COX16: variants seen among roughly 807,000 people sequenced by gnomAD.
The protein encoded by COX16 is cytochrome c oxidase assembly factor COX16.
Under a neutral mutation model 15.4 loss-of-function variants are expected in COX16, and 12 were observed. The ratio of observed to expected loss-of-function variants is 0.78; its 90% CI spans 0.50 to 1.26. The LOEUF is 1.26. COX16 is among the 50% of genes most tolerant of loss of function. The pLI is 0.00. For missense variants in COX16, 124 were observed against 127.6 expected (o/e 0.97, Z 0.14); for synonymous variants, 46 against 41.1 (o/e 1.12, Z -0.46).
chr14:70,335,625 A>C (rs145108651), intron 2 of COX16, among the ~76,000 whole-genome samples: 2 of 151,554 alleles, frequency 1.3e-5, no homozygotes, highest in African/African-American at 2.4e-5. Context: ...AAAAGGACCA[A>C]ATTTTTAAAA....
At chr14:70,331,396 G>C (rs764810451) in intron 2 of COX16, among the ~76,000 whole-genome samples, 9 of 151,792 alleles carry the variant, frequency 5.9e-5, no homozygotes, top group Non-Finnish European at 8.8e-5. Context: ...TGCATAAAAA[G>C]ACTCCTAAAA....
rs574534496 is a variant in COX16, at chr14:70,330,728, T to C, written c.142-1492A>G. ...ATCCTGAAGCAGACTTAAAAACTTA[T>C]ATGAACAGTTGATTTATGACAAATT... On this transcript the variant is annotated intron_variant, in intron 2 of 3. Coordinates refer to ENST00000389912, the MANE Select transcript of COX16 (RefSeq NM_016468.7). 5.3e-5 allele frequency among the ~76,000 whole-genome samples: 8 copies of C among 152,306 alleles called. No homozygotes were observed. The East Asian group carries it at 5.8e-4, about 11-fold the overall frequency.
chr14:70,337,311 C>A (rs1886485808), intron 2 of COX16, among the ~76,000 whole-genome samples: 1 of 151,910 alleles, frequency 6.6e-6, no homozygotes, highest in African/African-American at 2.4e-5. Context: ...TTGTTTTCCT[C>A]CAGGAAAGGC....
chr14:70,349,630 A>G (rs1305050971), intron 1 of COX16, among the ~76,000 whole-genome samples: 2 of 152,176 alleles, frequency 1.3e-5, no homozygotes, highest in Non-Finnish European at 2.9e-5. Flanking sequence ...CTGGCTCTAA[A>G]AACCCAGCAG....
At chr14:70,352,539 CAT>C (rs893819804) in intron 1 of COX16, among the ~76,000 whole-genome samples, 4 of 151,354 alleles carry the variant, frequency 2.6e-5, no homozygotes, top group Non-Finnish European at 4.4e-5. Flanking sequence ...TTTATAACTA[CAT>C]GTTATATAAT....
intron 1 of COX16, among the ~76,000 whole-genome samples, chr14:70,352,249 C>T (rs552035686): frequency 1.3e-4 from 20 of 152,262 alleles, no homozygotes; most frequent in Middle Eastern, 3.4e-3. Flanking sequence ...TGCAGAGGAG[C>T]GATCTCGGCT....
chr14:70,352,585 ATTAT>A (rs10570008), intron 1 of COX16, among the ~76,000 whole-genome samples: 70,156 of 148,858 alleles, frequency 0.47, 17,105 homozygotes, highest in South Asian at 0.55. Flanking sequence ...TATTACATAC[ATTAT>A]TTATGTGCAC....
chr14:70,352,907 A>C (rs1299864901), intron 1 of COX16, among the ~76,000 whole-genome samples: 1 of 152,128 alleles, frequency 6.6e-6, no homozygotes, highest in Non-Finnish European at 1.5e-5. Context: ...ATCTCATGAA[A>C]TTTACCACAC....
chr14:70,325,129 A>T lies in COX16; in HGVS notation c.*1204T>A, dbSNP rs149068726. The stretch of plus-strand genomic sequence containing the variant: ...AAACCAACCTGCTGAAAAGAATACA[A>T]ATTTTGACTAGGAGGAGAAAGGGGG... On this transcript the variant is annotated 3_prime_UTR_variant, in exon 4 of 4. Coordinates refer to ENST00000389912, the MANE Select transcript of COX16 (RefSeq NM_016468.7). The T allele has an allele frequency of 2.0e-5, 3 of 152,270 alleles. No homozygotes were observed. The highest frequency in any genetic ancestry group is 6.5e-5 in the Admixed American group (1 of 15,294). 9.4% of individuals were successfully genotyped at this position (152,270 alleles called of 1,614,324 possible).
intron 3 of COX16, among the ~76,000 whole-genome samples, chr14:70,327,921 A>G (rs1886134156): frequency 1.3e-5 from 2 of 152,070 alleles, no homozygotes; most frequent in African/African-American, 4.8e-5. Context: ...CAGCGTCAAG[A>G]AATGCTGAGA....
At chr14:70,337,855 A>G (rs1358409956) in intron 2 of COX16, among the ~76,000 whole-genome samples, 1 of 152,166 alleles carries the variant, frequency 6.6e-6, no homozygotes, top group Non-Finnish European at 1.5e-5. Flanking sequence ...ACACAGCAAA[A>G]AAGAGGTTTA....
intron 1 of COX16, among the ~76,000 whole-genome samples, chr14:70,354,844 G>GTGTGTC (rs896234980): frequency 4.0e-5 from 6 of 151,160 alleles, no homozygotes; most frequent in African/African-American, 1.5e-4. Flanking sequence ...GTGTGTGCGT[G>GTGTGTC]TGTGTGTGTG....
At chr14:70,327,732 TTAAA>T (rs1886128287) in intron 3 of COX16, among the ~76,000 whole-genome samples, 1 of 152,162 alleles carries the variant, frequency 6.6e-6, no homozygotes, top group Non-Finnish European at 1.5e-5. Flanking sequence ...AAGAAAATTC[TTAAA>T]TAACAAGTTC....
rs199663303 is a variant in COX16 at position 70,329,134 on chromosome 14, C to A, written c.204+40G>T. 6.4e-5 allele frequency: 99 copies of A among 1,553,466 alleles called. 1 individual carries two copies. In the African/African-American group the frequency reaches 1.1e-3, roughly 17 times the overall value. On this transcript the variant is annotated intron_variant, in intron 3 of 3. Transcript: ENST00000389912. The stretch of plus-strand genomic sequence containing the variant: ...CTTTTAAGGCAGATAAAACCAGTAA[C>A]TGATTGTTATAAGACAGAGACTATA...
chr14:70,348,177 C>T (rs923941572), intron 1 of COX16, among the ~76,000 whole-genome samples: 1 of 152,190 alleles, frequency 6.6e-6, no homozygotes, highest in Non-Finnish European at 1.5e-5. Context: ...GCACTGGAGG[C>T]AGCTGCTGTC....
chr14:70,328,365 C>T (rs950827406), intron 3 of COX16: 1 of 151,844 alleles, frequency 6.6e-6, no homozygotes, highest in Admixed American at 6.6e-5. Context: ...TCAGAATTTT[C>T]TTCAGTGTAT....
At position 70,359,659 on chromosome 14, in the gene COX16, C is replaced by T. The variant is rs111353411; in HGVS notation, c.-72G>A. ...GACTCCCAAATCTCAGCAGCTCACG[C>T]TCTCACCAAGACGAGTACGTCCTTA... is the stretch of plus-strand genomic sequence containing the variant. On this transcript the variant is annotated 5_prime_UTR_variant, in exon 1 of 4. Transcript: ENST00000389912. 3.2e-5 allele frequency: 44 copies of T among 1,379,010 alleles called. No homozygotes were observed. Among genetic ancestry groups the T allele is most frequent in the African/African-American group, 2.8e-4 (20 of 70,608 alleles). The allele number at this position is 1,379,010 out of a possible 1,614,324, so 85.4% of individuals were successfully genotyped here. A position where few individuals can be genotyped will look rare whatever the true frequency, so the allele number is the denominator to read the frequency against.
Position 70,326,125 on chromosome 14 carries a change from T to C in COX16, c.*208A>G, listed in dbSNP as rs1039519773. 3 of 318,316 alleles carry C rather than the reference T, an allele frequency of 9.4e-6. No individual in the cohort carries two copies. Among genetic ancestry groups the C allele is most frequent in the African/African-American group, 6.5e-5 (3 of 46,468 alleles). 19.7% of individuals were successfully genotyped at this position (318,316 alleles called of 1,614,324 possible). ...AGGTGTAAAATATACGTGGCCAACA[T>C]TGTTACTTTCATCCACAGATGGAAT... On this transcript the variant is annotated 3_prime_UTR_variant, in exon 4 of 4. Transcript: ENST00000389912.
chr14:70,358,301 C>T (rs1887191846), intron 1 of COX16, among the ~76,000 whole-genome samples: 1 of 150,458 alleles, frequency 6.6e-6, no homozygotes, highest in Admixed American at 6.6e-5. Flanking sequence ...GTGGTGATGG[C>T]TCCATAACTA....
Sources: gnomAD v4.1 joint callset for allele counts (sites outside exome capture counted in the v4.1 genomes callset) on GRCh38, gnomAD v4.1.1 for gene constraint, MANE v1.5 for transcripts, NCBI Gene and HGNC (gene_info 2026-07-23, HGNC 2026-07-21) for gene names.